KLHL3: variants seen among roughly 807,000 people sequenced by gnomAD.
KLHL3 encodes kelch-like protein 3.
In KLHL3, 19 loss-of-function variants were observed where a neutral mutation model predicts 70.5. That is an observed-to-expected ratio of 0.27 (90% CI 0.19 to 0.40). The LOEUF (loss-of-function observed/expected upper bound fraction) is 0.40, where lower values mean the gene tolerates loss of function less well. Ranked by LOEUF, KLHL3 falls within the 10% of genes least tolerant of loss-of-function variation. KLHL3 has a pLI of 1.00. For synonymous variants in KLHL3, 258 were observed against 290.3 expected (o/e 0.89, Z 1.13); for missense variants, 512 against 771.1 (o/e 0.66, Z 3.98).
intron 2 of KLHL3, among the ~76,000 whole-genome samples, chr5:137,713,392 T>C (rs555798035): frequency 1.3e-5 from 2 of 152,274 alleles, no homozygotes; most frequent in South Asian, 4.1e-4. Flanking sequence ...GTATGTTCAA[T>C]TGATTTTTGA....
intron 6 of KLHL3, among the ~76,000 whole-genome samples, chr5:137,676,062 T>C (rs1311317774): frequency 1.3e-5 from 2 of 152,304 alleles, no homozygotes; most frequent in East Asian, 3.9e-4. Flanking sequence ...AAGGGTCCTA[T>C]GCACACACAC....
chr5:137,646,221 T>C (rs1751041207), intron 8 of KLHL3, among the ~76,000 whole-genome samples: 2 of 152,020 alleles, frequency 1.3e-5, no homozygotes, highest in South Asian at 4.2e-4. Context: ...GAAATGCAAA[T>C]GAAAATCACA....
chr5:137,683,932 A>G (rs1012858184), intron 5 of KLHL3, among the ~76,000 whole-genome samples: 9 of 152,214 alleles, frequency 5.9e-5, no homozygotes, highest in African/African-American at 1.4e-4. Context: ...AGAGCAAGCA[A>G]CGAAACCTAT....
chr5:137,662,938 G>T (rs1751517512), intron 6 of KLHL3, among the ~76,000 whole-genome samples: 1 of 151,774 alleles, frequency 6.6e-6, no homozygotes. Context: ...CTTTGCTGCA[G>T]CATGGTTGTA....
At chr5:137,715,996 A>G (rs905554988) in intron 2 of KLHL3, among the ~76,000 whole-genome samples, 4 of 152,204 alleles carry the variant, frequency 2.6e-5, no homozygotes, top group African/African-American at 7.2e-5. Flanking sequence ...TTGAAGTCAG[A>G]GTCTATGTTT....
chr5:137,634,028 C>G lies in KLHL3; in HGVS notation c.1450+9G>C. On this transcript the variant is annotated intron_variant, in intron 12 of 14. Coordinates refer to ENST00000309755, the MANE Select transcript of KLHL3 (RefSeq NM_017415.3). ...CAGACACAGCCAGCACCCCGAGGTT[C>G]TCCCATACCTGCGCCACTGCGGCGG... 1 of 1,614,164 alleles carries G rather than the reference C, an allele frequency of 6.2e-7. No individual in the cohort carries two copies. The highest frequency in any genetic ancestry group is 8.5e-7 in the Non-Finnish European group (1 of 1,180,032).
At chr5:137,682,403 T>TAGAGAGAGAGAGAGAGAGAGAG (rs10578622) in intron 5 of KLHL3, among the ~76,000 whole-genome samples, 1,859 of 133,248 alleles carry the variant, frequency 0.014, 40 homozygotes, top group African/African-American at 0.018. Context: ...GTGCTGGACA[T>TAGAGAGAGAGAGAGAGAGAGAG]AGAGAGAGAG....
At chr5:137,630,613 C>T (rs1370828304) in intron 12 of KLHL3, among the ~76,000 whole-genome samples, 1 of 152,172 alleles carries the variant, frequency 6.6e-6, no homozygotes, top group Non-Finnish European at 1.5e-5. Flanking sequence ...ACTTTAGAAA[C>T]CAAAATGTCT....
intron 3 of KLHL3, among the ~76,000 whole-genome samples, chr5:137,703,279 G>A (rs979493417): frequency 6.6e-6 from 1 of 152,144 alleles, no homozygotes; most frequent in Non-Finnish European, 1.5e-5. Context: ...AGAGAACAAA[G>A]GAAAATCCTT....
chr5:137,647,737 G>C, intron 8 of KLHL3: 1 of 386,904 alleles, frequency 2.6e-6, no homozygotes, highest in Non-Finnish European at 5.5e-6. Context: ...CTCTAGGCAA[G>C]TACTGATAGC....
chr5:137,626,790 G>A (rs1750472708), intron 13 of KLHL3, among the ~76,000 whole-genome samples: 1 of 152,158 alleles, frequency 6.6e-6, no homozygotes, highest in African/African-American at 2.4e-5. Flanking sequence ...GATCACTTGA[G>A]CCCAGGAGTT....
intron 5 of KLHL3, among the ~76,000 whole-genome samples, chr5:137,690,061 C>T (rs1580764281): frequency 6.6e-6 from 1 of 152,364 alleles, no homozygotes; most frequent in East Asian, 1.9e-4. Context: ...GGCACAGTGG[C>T]TTACGCCTGT....
rs530334323 is a variant in KLHL3, at chr5:137,735,648, G to A, written c.-2C>T. The A allele has an allele frequency of 1.6e-5, 26 of 1,613,186 alleles. No individual in the cohort carries two copies. The highest frequency in any genetic ancestry group is 2.1e-5 in the Non-Finnish European group (25 of 1,179,122). On this transcript the variant is annotated 5_prime_UTR_variant, in exon 1 of 15. Coordinates refer to ENST00000309755, the MANE Select transcript of KLHL3 (RefSeq NM_017415.3). ...ACATACATACCTTTCACCCTCCATT[G>A]TGTGAGGCCCAGCCAGGGTGGTAGC...
At chr5:137,682,716 G>A (rs1303309665) in intron 5 of KLHL3, among the ~76,000 whole-genome samples, 6 of 152,156 alleles carry the variant, frequency 3.9e-5, no homozygotes, top group Admixed American at 1.3e-4. Context: ...CGGACTGGGA[G>A]CCCCATGAGG....
At chr5:137,636,174 T>C (rs1380002216) in intron 11 of KLHL3, among the ~76,000 whole-genome samples, 2 of 152,162 alleles carry the variant, frequency 1.3e-5, no homozygotes, top group East Asian at 1.9e-4. Flanking sequence ...TTATTTAGTA[T>C]GTTAGAATAG....
At chr5:137,676,754 T>C (rs1437480296) in intron 6 of KLHL3, among the ~76,000 whole-genome samples, 1 of 152,206 alleles carries the variant, frequency 6.6e-6, no homozygotes, top group Non-Finnish European at 1.5e-5. Flanking sequence ...GTCACATAAC[T>C]AATTTGTAAA....
chr5:137,680,791 G>A (rs1293543687), intron 5 of KLHL3, among the ~76,000 whole-genome samples: 3 of 152,058 alleles, frequency 2.0e-5, no homozygotes, highest in Non-Finnish European at 2.9e-5. Flanking sequence ...TGATCCACCC[G>A]CCTCAGTCTC....
chr5:137,696,681 G>T (rs1752451468), intron 4 of KLHL3, among the ~76,000 whole-genome samples: 1 of 152,090 alleles, frequency 6.6e-6, no homozygotes, highest in Non-Finnish European at 1.5e-5. Flanking sequence ...AGTCAGAGGG[G>T]GCTGGCTTCA....
chr5:137,735,917 C>G lies in KLHL3; in HGVS notation c.-271G>C, dbSNP rs1403287983. 1.9e-6 allele frequency: 1 copy of G among 522,922 alleles called. No individual in the cohort carries two copies. The highest frequency in any genetic ancestry group is 3.5e-6 in the Non-Finnish European group (1 of 285,956). The allele number at this position is 522,922 out of a possible 1,614,324, so 32.4% of individuals were successfully genotyped here. A position where few individuals can be genotyped will look rare whatever the true frequency, so the allele number is the denominator to read the frequency against. On this transcript the variant is annotated 5_prime_UTR_variant, in exon 1 of 15. Coordinates refer to ENST00000309755, the MANE Select transcript of KLHL3 (RefSeq NM_017415.3). The stretch of plus-strand genomic sequence containing the variant: ...TGCTAAAAGCAGCAACCCACTTGCT[C>G]CCCCTCCCCCGCAGGCTTGCTGCTC...
Sources: gnomAD v4.1 joint callset for allele counts (sites outside exome capture counted in the v4.1 genomes callset) on GRCh38, gnomAD v4.1.1 for gene constraint, MANE v1.5 for transcripts, NCBI Gene and HGNC (gene_info 2026-07-23, HGNC 2026-07-21) for gene names.